ADGRA3: variants seen among roughly 807,000 people sequenced by gnomAD.
ADGRA3 encodes the protein adhesion G protein-coupled receptor A3.
Under a neutral mutation model 119.8 loss-of-function variants are expected in ADGRA3, and 56 were observed. That is an observed-to-expected ratio of 0.47 (90% CI 0.38 to 0.58). The LOEUF is 0.58. Ranked by LOEUF, ADGRA3 falls within the 20% of genes least tolerant of loss-of-function variation. The pLI is 0.00. For missense variants in ADGRA3, 1,516 were observed against 1,649.0 expected (o/e 0.92, Z 1.40); for synonymous variants, 607 against 623.8 (o/e 0.97, Z 0.40).
rs766409266 is a variant in ADGRA3 at position 22,473,847 on chromosome 4, A to G, written c.258-4T>C. The G allele has an allele frequency of 3.8e-6, 6 of 1,575,156 alleles. No homozygotes were observed. Among genetic ancestry groups the G allele is most frequent in the Non-Finnish European group, 5.2e-6 (6 of 1,150,946 alleles). On this transcript the variant is annotated splice_polypyrimidine_tract_variant and splice_region_variant and intron_variant, in intron 1 of 18. Transcript: ENST00000334304. ...TATCTTATTGTTACTCAGAATCCTAAAAAATACCAAAAAAATAATAAGTTG... is the reference window on the plus strand; with the variant it reads ...TATCTTATTGTTACTCAGAATCCTAGAAAATACCAAAAAAATAATAAGTTG...
At chr4:22,448,295 T>G (rs1560322518) in intron 4 of ADGRA3, among the ~76,000 whole-genome samples, 2 of 152,196 alleles carry the variant, frequency 1.3e-5, no homozygotes, top group Non-Finnish European at 2.9e-5. Context: ...GCTCAATAAT[T>G]GCCCATTGCT....
At chr4:22,513,626 C>T (rs565243132) in intron 1 of ADGRA3, among the ~76,000 whole-genome samples, 2 of 151,742 alleles carry the variant, frequency 1.3e-5, no homozygotes, top group South Asian at 2.1e-4. Context: ...ATTCTCCTGC[C>T]TCAGCCTTCC....
At chr4:22,395,604 A>G (rs1714317581) in intron 16 of ADGRA3, among the ~76,000 whole-genome samples, 1 of 152,170 alleles carries the variant, frequency 6.6e-6, no homozygotes, top group African/African-American at 2.4e-5. Context: ...AGATGGTTCC[A>G]AAGCCCTTGC....
chr4:22,425,054 AAC>A (rs1715875267), intron 10 of ADGRA3, among the ~76,000 whole-genome samples: 2 of 151,652 alleles, frequency 1.3e-5, no homozygotes, highest in Admixed American at 1.3e-4. Context: ...TAGCCTGGAC[AAC>A]AGAGTGAGAC....
chr4:22,416,946 A>G (rs1715453685), intron 12 of ADGRA3, among the ~76,000 whole-genome samples: 1 of 152,202 alleles, frequency 6.6e-6, no homozygotes, highest in African/African-American at 2.4e-5. Context: ...TCCACTATGT[A>G]GTTAATAAAA....
chr4:22,471,782 C>G (rs1470553099), intron 2 of ADGRA3, among the ~76,000 whole-genome samples: 1 of 152,102 alleles, frequency 6.6e-6, no homozygotes, highest in East Asian at 1.9e-4. Context: ...GTGGTCCCAA[C>G]AAAGGAGTGA....
intron 1 of ADGRA3, among the ~76,000 whole-genome samples, chr4:22,475,332 C>T (rs1718000162): frequency 6.6e-6 from 1 of 152,160 alleles, no homozygotes; most frequent in Non-Finnish European, 1.5e-5. Context: ...ACAGATCCTC[C>T]CTCATTTCAA....
intron 4 of ADGRA3, among the ~76,000 whole-genome samples, chr4:22,450,444 T>C (rs1052999527): frequency 1.1e-4 from 16 of 152,012 alleles, no homozygotes; most frequent in Admixed American, 9.2e-4. Context: ...TTTTGTATTT[T>C]TAGTAGGGAC....
intron 1 of ADGRA3, chr4:22,514,528 C>G (rs987946399): frequency 6.6e-6 from 1 of 152,202 alleles, no homozygotes; most frequent in Admixed American, 6.5e-5. Flanking sequence ...TTTCATAGAT[C>G]ATGCTGCGGT....
chr4:22,512,183 G>C (rs4495025), intron 1 of ADGRA3, among the ~76,000 whole-genome samples: 1 of 151,648 alleles, frequency 6.6e-6, no homozygotes, highest in Non-Finnish European at 1.5e-5. Context: ...TTACAGGTGT[G>C]AGCCACTGCG....
chr4:22,441,730 C>T (rs1485228245), intron 7 of ADGRA3, among the ~76,000 whole-genome samples: 9 of 152,078 alleles, frequency 5.9e-5, no homozygotes, highest in African/African-American at 9.7e-5. Context: ...GCAATAACCA[C>T]AAGATTGCCC....
chr4:22,423,255 C>A (rs1715786006), intron 11 of ADGRA3, among the ~76,000 whole-genome samples: 1 of 151,544 alleles, frequency 6.6e-6, no homozygotes, highest in African/African-American at 2.4e-5. Flanking sequence ...AAAACAAAGA[C>A]AGTAGCCATG....
intron 1 of ADGRA3, among the ~76,000 whole-genome samples, chr4:22,496,841 C>T (rs1386999466): frequency 6.6e-6 from 1 of 152,210 alleles, no homozygotes; most frequent in East Asian, 1.9e-4. Flanking sequence ...TCCGGGGCCA[C>T]TGGCAAATGA....
chr4:22,409,746 G>A (rs9993875), intron 14 of ADGRA3, among the ~76,000 whole-genome samples: 3 of 152,062 alleles, frequency 2.0e-5, no homozygotes, highest in Non-Finnish European at 4.4e-5. Flanking sequence ...AAAAAAGCAC[G>A]GTTTAGAACA....
At chr4:22,507,965 G>T (rs1381862420) in intron 1 of ADGRA3, among the ~76,000 whole-genome samples, 1 of 152,138 alleles carries the variant, frequency 6.6e-6, no homozygotes, top group Non-Finnish European at 1.5e-5. Context: ...CTATAATAAG[G>T]TAAACATACG....
intron 1 of ADGRA3, among the ~76,000 whole-genome samples, chr4:22,498,147 G>T (rs1234439416): frequency 6.6e-6 from 1 of 151,740 alleles, no homozygotes; most frequent in East Asian, 1.9e-4. Context: ...AGGCTGGGTG[G>T]GGCAGGAGAA....
chr4:22,409,945 A>G (rs927705062), intron 14 of ADGRA3, among the ~76,000 whole-genome samples: 1 of 152,210 alleles, frequency 6.6e-6, no homozygotes, highest in Non-Finnish European at 1.5e-5. Flanking sequence ...GAAATAAATA[A>G]AACATTACAT....
intron 17 of ADGRA3, among the ~76,000 whole-genome samples, chr4:22,390,115 G>A (rs955108607): frequency 2.0e-5 from 3 of 151,480 alleles, no homozygotes; most frequent in South Asian, 4.2e-4. Context: ...CCAATAATAC[G>A]TGACCTTCCC....
Position 22,388,124 on chromosome 4 carries a change from G to A in ADGRA3, c.3547C>T (p.Arg1183Ter), listed in dbSNP as rs1039596576. The A allele has an allele frequency of 3.7e-6, 6 of 1,613,960 alleles. No individual in the cohort carries two copies. The highest frequency in any genetic ancestry group is 1.3e-5 in the African/African-American group (1 of 74,910). The stretch of plus-strand genomic sequence containing the variant: ...GCATATTCTCTCAGGACTGTGAGTC[G>A]GCTTGCCCGGTGTCCTTTACTTCTG... ...KNRSKGHRAS[R>*]LTVLREYAYD... The change falls in exon 19 of 19, where the codon CGA becomes TGA. Residue 1183 changes from arginine (R) to a stop codon, truncating the protein, a stop_gained. Transcript: ENST00000334304. LOFTEE classifies it low-confidence loss of function (END_TRUNC).
Sources: allele counts gnomAD v4.1 joint callset (sites outside exome capture counted in the v4.1 genomes callset), GRCh38; gene constraint gnomAD v4.1.1; transcripts MANE v1.5; gene names NCBI Gene and HGNC (gene_info 2026-07-23, HGNC 2026-07-21).